Variants in MGMT observed in about 807,000 individuals in gnomAD.
MGMT encodes the protein O-6-methylguanine-DNA methyltransferase.
Under a neutral mutation model 15.9 loss-of-function variants are expected in MGMT, and 14 were observed. That is an observed-to-expected ratio of 0.88 (90% CI 0.58 to 1.37). The LOEUF (loss-of-function observed/expected upper bound fraction) is 1.37, where lower values mean the gene tolerates loss of function less well. MGMT is among the 40% of genes most tolerant of loss of function. The probability of loss-of-function intolerance (pLI) is 0.00; values close to 1 mark genes in which losing one functional copy is unlikely to be tolerated. For synonymous variants in MGMT, 130 were observed against 118.2 expected, an observed-to-expected ratio of 1.10 and a Z score of -0.65; for missense variants, 282 against 268.1, an observed-to-expected ratio of 1.05 and a Z score of -0.36.
At chr10:129,692,609 C>T (rs756475882) in intron 2 of MGMT, among the ~76,000 whole-genome samples, 10 of 152,166 alleles carry the variant, frequency 6.6e-5, no homozygotes, top group Non-Finnish European at 1.2e-4. Context: ...AATGCCCCAT[C>T]GTTGAGGGAT....
intron 3 of MGMT, among the ~76,000 whole-genome samples, chr10:129,751,485 AC>A (rs1158815984): frequency 6.6e-6 from 1 of 150,770 alleles, no homozygotes; most frequent in Non-Finnish European, 1.5e-5. Flanking sequence ...CTTGGATTTT[AC>A]TCTTATCATT....
In MGMT at chr10:129,580,033, G is replaced by A. The variant is rs116672341; in HGVS notation, c.125+43656G>A. On this transcript the variant is annotated intron_variant, in intron 2 of 4. Transcript: ENST00000651593. ...TGCTTATTTTTGTTTCACAAACTTGGTATTTATTAGGTGTTCCAGGCTTTG... is the reference window on the plus strand; with the variant it reads ...TGCTTATTTTTGTTTCACAAACTTGATATTTATTAGGTGTTCCAGGCTTTG... Among the ~76,000 whole-genome samples, 715 of 152,272 alleles carry A rather than the reference G, an allele frequency of 4.7e-3. 5 individuals carry two copies. The highest frequency in any genetic ancestry group is 0.016 in the African/African-American group (677 of 41,556).
At chr10:129,612,523 T>C (rs1846973130) in intron 2 of MGMT, among the ~76,000 whole-genome samples, 1 of 151,634 alleles carries the variant, frequency 6.6e-6, no homozygotes, top group African/African-American at 2.4e-5. Flanking sequence ...CCGGGAATGT[T>C]AGTTGTTGCA....
intron 4 of MGMT, among the ~76,000 whole-genome samples, chr10:129,766,088 CG>C (rs1848930809): frequency 6.6e-6 from 1 of 152,172 alleles, no homozygotes; most frequent in Non-Finnish European, 1.5e-5. Context: ...AGGCAGGATC[CG>C]GGGCCTGTGT....
chr10:129,721,178 A>G (rs1446021916), intron 3 of MGMT, among the ~76,000 whole-genome samples: 1 of 152,276 alleles, frequency 6.6e-6, no homozygotes, highest in African/African-American at 2.4e-5. Context: ...CAGGTGATGT[A>G]ATAATTTGTT....
Position 129,532,389 on chromosome 10 carries a change from C to T in MGMT, c.-12-3852C>T, listed in dbSNP as rs1589853678. On this transcript the variant is annotated intron_variant, in intron 1 of 4. Coordinates refer to ENST00000651593, the MANE Select transcript of MGMT (RefSeq NM_002412.5). This position sits in a 1 kb window ranked among gnomAD's most constrained non-coding sequence, Gnocchi z 5.3. ...GCTGGAAGCCTTCTCCACCGCATTC[C>T]CAACCGCTGGCCTCCCAAGTTTGGC... 6.6e-6 allele frequency among the ~76,000 whole-genome samples: 1 copy of T among 152,200 alleles called. No individual in the cohort carries two copies. The highest frequency in any genetic ancestry group is 2.1e-4 in the South Asian group (1 of 4,824).
rs147890144 is a variant in MGMT, at chr10:129,741,923, C to T, written c.275-17279C>T. 2.7e-3 allele frequency among the ~76,000 whole-genome samples: 406 copies of T among 152,320 alleles called. 2 individuals are homozygous for T. The highest frequency in any genetic ancestry group is 6.8e-3 in the Middle Eastern group (2 of 294). On this transcript the variant is annotated intron_variant, in intron 3 of 4. Coordinates refer to ENST00000651593, the MANE Select transcript of MGMT (RefSeq NM_002412.5). ...GGAGCCCCCATCAGCCAGGTCAGGC[C>T]GTGGCTCTGAGCCTAGTGCTCCTTT... is the stretch of plus-strand genomic sequence containing the variant.
intron 1 of MGMT, among the ~76,000 whole-genome samples, chr10:129,480,230 C>G (rs1214872237): frequency 6.6e-6 from 1 of 152,156 alleles, no homozygotes. Flanking sequence ...TTAACAGCTT[C>G]CTCAGATAAT....
At chr10:129,594,571 A>G (rs1846728049) in intron 2 of MGMT, among the ~76,000 whole-genome samples, 1 of 152,166 alleles carries the variant, frequency 6.6e-6, no homozygotes. Context: ...GATGGAATGA[A>G]GGGACACCAT....
At chr10:129,557,148 T>G (rs1003101664) in intron 2 of MGMT, among the ~76,000 whole-genome samples, 3 of 152,202 alleles carry the variant, frequency 2.0e-5, no homozygotes, top group Non-Finnish European at 4.4e-5. Context: ...AAGCATCTTA[T>G]CCTACCAACC....
chr10:129,714,091 G>A (rs1346595817), intron 3 of MGMT, among the ~76,000 whole-genome samples: 4 of 152,256 alleles, frequency 2.6e-5, no homozygotes, highest in African/African-American at 9.6e-5. Flanking sequence ...CCAAAAGCCT[G>A]GTTTCAGCAG....
At chr10:129,584,579 TA>T (rs2133049311) in intron 2 of MGMT, among the ~76,000 whole-genome samples, 1 of 152,280 alleles carries the variant, frequency 6.6e-6, no homozygotes, top group Non-Finnish European at 1.5e-5. Flanking sequence ...TTAGAAGATT[TA>T]AATCTCCCTC....
chr10:129,531,566 G>A lies in MGMT; in HGVS notation c.-12-4675G>A, dbSNP rs959521033. ...TGGGCATCGCATCAGAGACGCTGCC[G>A]TGCTCGGTGGCCTGGGGCTTCTGTC... On this transcript the variant is annotated intron_variant, in intron 1 of 4. Transcript: ENST00000651593. Among the ~76,000 whole-genome samples the A allele has an allele frequency of 9.9e-5, 15 of 152,206 alleles. No homozygotes were observed. The Middle Eastern group carries it at 0.014, about 138-fold the overall frequency.
intron 3 of MGMT, among the ~76,000 whole-genome samples, chr10:129,755,560 C>G (rs896066795): frequency 6.6e-6 from 1 of 152,240 alleles, no homozygotes; most frequent in South Asian, 2.1e-4. Context: ...CCCTTCCCCC[C>G]AGGAAGCCAC....
At position 129,585,337 on chromosome 10, in the gene MGMT, T is replaced by C. The variant is rs138135955; in HGVS notation, c.125+48960T>C. 5.7e-3 allele frequency among the ~76,000 whole-genome samples: 871 copies of C among 152,278 alleles called. 5 individuals are homozygous for C. The highest frequency in any genetic ancestry group is 8.6e-3 in the Non-Finnish European group (584 of 68,022). ...ATTTCTTTTTGTCAAACAATAGCATTATTGAGATGTAAATGACATACAGAG... is the reference window on the plus strand; with the variant it reads ...ATTTCTTTTTGTCAAACAATAGCATCATTGAGATGTAAATGACATACAGAG... On this transcript the variant is annotated intron_variant, in intron 2 of 4. Transcript: ENST00000651593.
chr10:129,733,953 G>T (rs200858125), intron 3 of MGMT, among the ~76,000 whole-genome samples: 79,133 of 147,642 alleles, frequency 0.54, 21,095 homozygotes, highest in Middle Eastern at 0.7. Context: ...TGCTGTTTTG[G>T]TTACTGTAGC....
At chr10:129,651,260 C>G (rs1220331308) in intron 2 of MGMT, among the ~76,000 whole-genome samples, 1 of 152,162 alleles carries the variant, frequency 6.6e-6, no homozygotes, top group African/African-American at 2.4e-5. Flanking sequence ...GCTCGTTTCT[C>G]CAGTACCTGC....
chr10:129,532,887 C>T lies in MGMT; in HGVS notation c.-12-3354C>T, dbSNP rs1336182371. On this transcript the variant is annotated intron_variant, in intron 1 of 4. Transcript: ENST00000651593. The surrounding 1 kb of genome is among the most constrained non-coding windows in gnomAD (Gnocchi z 5.3). ...CCCCCACATGGGGCACTCCCCAGTC[C>T]GAATGTCTGCAGTGCAGCTTCAGGC... 2.0e-5 allele frequency among the ~76,000 whole-genome samples: 3 copies of T among 152,202 alleles called. No individual in the cohort carries two copies. Among genetic ancestry groups the T allele is most frequent in the Non-Finnish European group, 2.9e-5 (2 of 68,046 alleles).
At chr10:129,708,122 A>T in intron 3 of MGMT, 79 bp downstream of exon 3, 3 of 1,510,230 alleles carry the variant, frequency 2.0e-6, no homozygotes, top group Non-Finnish European at 2.7e-6. Context: ...AGTTCATTTT[A>T]TTGAGTATAC....
Sources: allele counts gnomAD v4.1 joint callset (sites outside exome capture counted in the v4.1 genomes callset), GRCh38; gene constraint gnomAD v4.1.1; non-coding constraint Gnocchi (gnomAD v3.1); transcripts MANE v1.5; gene names NCBI Gene and HGNC (gene_info 2026-07-23, HGNC 2026-07-21).